Variants in LINGO2 observed in about 807,000 individuals in gnomAD.
The protein encoded by LINGO2 is leucine rich repeat and Ig domain containing 2.
A neutral mutation model predicts 30.6 loss-of-function variants in LINGO2; 14 were observed. That is an observed-to-expected ratio of 0.46 (90% CI 0.30 to 0.72). The LOEUF is 0.72. Ranked by LOEUF, LINGO2 falls within the 30% of genes least tolerant of loss-of-function variation. The pLI is 0.07. For synonymous variants in LINGO2, 317 were observed against 288.5 expected, an observed-to-expected ratio of 1.10 and a Z score of -1.00; for missense variants, 729 against 751.7, an observed-to-expected ratio of 0.97 and a Z score of 0.35.
chr9:28,853,278 C>T, the LINGO2 span, among the ~76,000 whole-genome samples: 1 of 152,018 alleles, frequency 6.6e-6, no homozygotes, highest in Non-Finnish European at 1.5e-5. Context: ...TAGTCATGCA[C>T]ATATGCATAA....
At chr9:28,439,386 T>C (rs995879842) in intron 2 of LINGO2, among the ~76,000 whole-genome samples, 1 of 152,062 alleles carries the variant, frequency 6.6e-6, no homozygotes, top group East Asian at 1.9e-4. Context: ...CTTGGGCATA[T>C]TGTGTGACTC....
chr9:28,308,046 C>T (rs1824442829), intron 3 of LINGO2, among the ~76,000 whole-genome samples: 1 of 149,852 alleles, frequency 6.7e-6, no homozygotes, highest in Non-Finnish European at 1.5e-5. Context: ...CATCAAGCTA[C>T]CAATGACTTT....
At chr9:28,226,841 G>C (rs1267008726) in intron 4 of LINGO2, among the ~76,000 whole-genome samples, 1 of 152,084 alleles carries the variant, frequency 6.6e-6, no homozygotes, top group Non-Finnish European at 1.5e-5. Flanking sequence ...AGTGTAGTTA[G>C]TTAATCAATG....
the LINGO2 span, among the ~76,000 whole-genome samples, chr9:29,096,368 G>T: frequency 3.6e-5 from 5 of 139,306 alleles, 1 homozygote; most frequent in Admixed American, 2.2e-4. Flanking sequence ...TCACTGCAAT[G>T]TCCACCTCCT....
intron 4 of LINGO2, among the ~76,000 whole-genome samples, chr9:28,032,018 GTC>G (rs991120041): frequency 1.6e-4 from 23 of 143,434 alleles, no homozygotes; most frequent in Non-Finnish European, 1.5e-4. Context: ...GTTACTAGCA[GTC>G]TGCTGACTCA....
At chr9:28,881,216 C>T in the LINGO2 span, among the ~76,000 whole-genome samples, 3 of 151,998 alleles carry the variant, frequency 2.0e-5, no homozygotes, top group African/African-American at 7.2e-5. Flanking sequence ...ACCCCTTCAC[C>T]GGGTTCCAGC....
the LINGO2 span, among the ~76,000 whole-genome samples, chr9:29,093,283 T>G: frequency 7.5e-6 from 1 of 133,084 alleles, no homozygotes; most frequent in Non-Finnish European, 1.6e-5. Context: ...TCACAATAAT[T>G]TTTTCAAGAA....
chr9:29,070,872 T>C, the LINGO2 span, among the ~76,000 whole-genome samples: 5 of 151,022 alleles, frequency 3.3e-5, no homozygotes, highest in Admixed American at 6.6e-5. Context: ...ACAAAGAATA[T>C]ATATATTAAT....
At chr9:28,378,810 T>C (rs149339751) in intron 2 of LINGO2, among the ~76,000 whole-genome samples, 4 of 152,270 alleles carry the variant, frequency 2.6e-5, no homozygotes, top group South Asian at 2.1e-4. Flanking sequence ...TGACTTATAA[T>C]GCAAGTACAC....
chr9:29,176,771 T>C, the LINGO2 span, among the ~76,000 whole-genome samples: 2 of 152,230 alleles, frequency 1.3e-5, no homozygotes. Context: ...AAAATATACA[T>C]GAAATTTCTA....
chr9:28,536,040 T>A (rs1821425099), intron 1 of LINGO2, among the ~76,000 whole-genome samples: 1 of 152,160 alleles, frequency 6.6e-6, no homozygotes, highest in Non-Finnish European at 1.5e-5. Context: ...AATAATTAGA[T>A]GATTTAATTT....
intron 1 of LINGO2, among the ~76,000 whole-genome samples, chr9:28,567,591 G>A (rs1823447523): frequency 6.6e-6 from 1 of 151,968 alleles, no homozygotes; most frequent in African/African-American, 2.4e-5. Context: ...TGGAAGTTAA[G>A]CAATGTGTAC....
At chr9:28,700,562 T>C in the LINGO2 span, among the ~76,000 whole-genome samples, 2 of 152,186 alleles carry the variant, frequency 1.3e-5, no homozygotes, top group Admixed American at 6.6e-5. Context: ...TGCTTCCAAG[T>C]TTTGGCAATT....
intron 3 of LINGO2, among the ~76,000 whole-genome samples, chr9:28,345,086 G>A (rs919619021): frequency 4.0e-5 from 6 of 151,276 alleles, no homozygotes; most frequent in Non-Finnish European, 8.8e-5. Context: ...AGTGGCTGAC[G>A]TGTTAAGAAA....
At chr9:29,172,339 T>A in the LINGO2 span, among the ~76,000 whole-genome samples, 403 of 138,204 alleles carry the variant, frequency 2.9e-3, 3 homozygotes, top group African/African-American at 0.011. Context: ...TTTTGAATTA[T>A]CAAGATGACT....
intron 1 of LINGO2, among the ~76,000 whole-genome samples, chr9:28,631,503 A>C (rs1364298287): frequency 6.6e-6 from 1 of 152,146 alleles, no homozygotes; most frequent in Non-Finnish European, 1.5e-5. Flanking sequence ...TTAAATAGGG[A>C]ATCCTTTCCC....
chr9:29,074,118 T>A, the LINGO2 span, among the ~76,000 whole-genome samples: 4 of 152,182 alleles, frequency 2.6e-5, no homozygotes, highest in Admixed American at 1.3e-4. Context: ...AAGAACATTT[T>A]ATTATCCAAG....
chr9:29,054,091 T>C, the LINGO2 span, among the ~76,000 whole-genome samples: 44 of 152,310 alleles, frequency 2.9e-4, no homozygotes, highest in African/African-American at 9.6e-4. Context: ...GTACGGACTA[T>C]GGTTCTAAAA....
the LINGO2 span, among the ~76,000 whole-genome samples, chr9:28,972,458 G>C: frequency 6.6e-6 from 1 of 152,082 alleles, no homozygotes; most frequent in Non-Finnish European, 1.5e-5. Flanking sequence ...CAAATAGATT[G>C]AAATAATTAC....
Sources: allele counts gnomAD v4.1 joint callset (sites outside exome capture counted in the v4.1 genomes callset), GRCh38; gene constraint gnomAD v4.1.1; transcripts MANE v1.5; gene names NCBI Gene and HGNC (gene_info 2026-07-23, HGNC 2026-07-21).